Variants in IGF2BP1 observed in about 807,000 individuals in gnomAD.
The protein encoded by IGF2BP1 is insulin-like growth factor 2 mRNA-binding protein 1.
A neutral mutation model predicts 74.9 loss-of-function variants in IGF2BP1; 11 were observed. The ratio of observed to expected loss-of-function variants is 0.15; its 90% CI spans 0.09 to 0.24. IGF2BP1 has a LOEUF of 0.24. IGF2BP1 is among the 10% of genes least tolerant of loss of function. The probability of loss-of-function intolerance (pLI) is 1.00; values close to 1 mark genes in which losing one functional copy is unlikely to be tolerated. For synonymous variants in IGF2BP1, 287 were observed against 281.8 expected (o/e 1.02, Z -0.18); for missense variants, 440 against 757.4 (o/e 0.58, Z 4.92).
At chr17:49,007,292 G>T (rs1006363373) in intron 2 of IGF2BP1, among the ~76,000 whole-genome samples, 1 of 152,148 alleles carries the variant, frequency 6.6e-6, no homozygotes, top group African/African-American at 2.4e-5. Context: ...TACTTCTTCT[G>T]CTTCTGTAGT....
chr17:48,998,809 AG>A, intron 1 of IGF2BP1, among the ~76,000 whole-genome samples: 1 of 152,324 alleles, frequency 6.6e-6, no homozygotes, highest in East Asian at 1.9e-4. Flanking sequence ...CTGTGTAGGC[AG>A]CGCACCCACA....
chr17:49,017,249 C>T (rs1288732266), intron 2 of IGF2BP1, among the ~76,000 whole-genome samples: 2 of 152,082 alleles, frequency 1.3e-5, no homozygotes, highest in Admixed American at 6.5e-5. Context: ...TCCCTCACTC[C>T]CTGGTTAGCT....
intron 4 of IGF2BP1, among the ~76,000 whole-genome samples, chr17:49,031,230 C>T (rs1444625977): frequency 6.6e-6 from 1 of 152,168 alleles, no homozygotes; most frequent in East Asian, 1.9e-4. Flanking sequence ...ACCTCAGCCT[C>T]CTGAGTAGCT....
Position 49,041,463 on chromosome 17 carries a change from G to A in IGF2BP1, c.904G>A (p.Val302Ile). 2 of 1,614,102 alleles carry A rather than the reference G, an allele frequency of 1.2e-6. No individual in the cohort carries two copies. The highest frequency in any genetic ancestry group is 1.7e-6 in the Non-Finnish European group (2 of 1,180,012). ...CAAGGAAGGACGGAACCTGAAGAAG[G>A]TAGAGCAAGATACCGAGACAAAAAT... is the stretch of plus-strand genomic sequence containing the variant. ...IGKEGRNLKKVEQDTETKITI... is the reference protein window; with the variant it reads ...IGKEGRNLKKIEQDTETKITI... The change falls in exon 8 of 15, where the codon GTA becomes ATA. Residue 302 changes from valine to isoleucine, a missense_variant. Val to Ile is a conservative substitution (Grantham distance 29). Transcript: ENST00000290341.
intron 2 of IGF2BP1, among the ~76,000 whole-genome samples, chr17:49,022,418 G>T (rs1164095904): frequency 4.0e-5 from 6 of 148,346 alleles, no homozygotes; most frequent in Non-Finnish European, 8.9e-5. Flanking sequence ...CCCCCGCCCC[G>T]CCCCTCCCGC....
At chr17:49,044,874 TAA>T in intron 11 of IGF2BP1, 115 bp from the exon 12 acceptor site, 1 of 830,414 alleles carries the variant, frequency 1.2e-6, no homozygotes, top group South Asian at 1.5e-5. Flanking sequence ...CTTCCTCCCC[TAA>T]GTCTTCAGAA....
chr17:49,040,186 A>G, intron 7 of IGF2BP1, 95 bp downstream of exon 7: 1 of 1,343,222 alleles, frequency 7.4e-7, no homozygotes, highest in Non-Finnish European at 1.0e-6. Flanking sequence ...CATATAAGAA[A>G]TACAGTCAGC....
rs1236728494 is a variant in IGF2BP1 at position 49,038,272 on chromosome 17, G to A, written c.506G>A (p.Gly169Glu). Residue 169 changes from glycine to glutamate, a missense_variant, in exon 6 of 15, where the codon GGG becomes GAG. Gly to Glu is a moderately conservative substitution (Grantham distance 98). Around this residue, in one of 5 missense-constraint regions of IGF2BP1, gnomAD observed 184 missense variants for 273.4 expected, o/e 0.67. Transcript: ENST00000290341. ...CAGGGACCTGAGAATGGGCGCCGAG[G>A]GGGCTTTGGCTCTCGGGGTCAGCCC... is the stretch of plus-strand genomic sequence containing the variant. ...IAQGPENGRR[G>E]GFGSRGQPRQ... 5 of 1,600,864 alleles carry A rather than the reference G, an allele frequency of 3.1e-6. No individual in the cohort carries two copies. Among genetic ancestry groups the A allele is most frequent in the Non-Finnish European group, 4.3e-6 (5 of 1,173,388 alleles).
intron 2 of IGF2BP1, among the ~76,000 whole-genome samples, chr17:49,009,952 C>T (rs555757560): frequency 2.0e-5 from 3 of 150,612 alleles, no homozygotes; most frequent in South Asian, 2.1e-4. Flanking sequence ...TGGTGGCGTG[C>T]GCCTGTAATC....
chr17:49,034,419 T>G (rs2041961027), intron 5 of IGF2BP1, among the ~76,000 whole-genome samples: 1 of 141,360 alleles, frequency 7.1e-6, no homozygotes, highest in South Asian at 2.3e-4. Context: ...ACACTTGGCC[T>G]TTTTTTTTTT....
intron 2 of IGF2BP1, among the ~76,000 whole-genome samples, chr17:49,011,164 A>AC (rs2041615273): frequency 2.3e-5 from 3 of 132,322 alleles, no homozygotes; most frequent in Admixed American, 1.5e-4. Context: ...AAAAAAAAAA[A>AC]AAACAAACCC....
chr17:49,017,352 A>G (rs916043273), intron 2 of IGF2BP1, among the ~76,000 whole-genome samples: 6 of 152,104 alleles, frequency 3.9e-5, no homozygotes, highest in African/African-American at 4.8e-5. Flanking sequence ...GACCATGCCT[A>G]TGTGCTGGGT....
chr17:49,017,577 A>G (rs2144006482), intron 2 of IGF2BP1, among the ~76,000 whole-genome samples: 1 of 152,318 alleles, frequency 6.6e-6, no homozygotes, highest in East Asian at 1.9e-4. Flanking sequence ...GAAATCTAGT[A>G]TTCTAAACTA....
At chr17:49,000,533 T>A (rs1275092899) in intron 2 of IGF2BP1, among the ~76,000 whole-genome samples, 1 of 152,174 alleles carries the variant, frequency 6.6e-6, no homozygotes, top group Non-Finnish European at 1.5e-5. Context: ...AGAAAAGAAG[T>A]CTTATTTGTT....
chr17:48,998,091 C>G (rs551343545), intron 1 of IGF2BP1, among the ~76,000 whole-genome samples, 171 bp downstream of exon 1: 1 of 152,226 alleles, frequency 6.6e-6, no homozygotes, highest in East Asian at 1.9e-4. Context: ...CGCTCTGCGC[C>G]TCCCACCCCC....
At chr17:48,998,876 C>T (rs1055428880) in intron 1 of IGF2BP1, among the ~76,000 whole-genome samples, 13 of 152,104 alleles carry the variant, frequency 8.5e-5, no homozygotes, top group African/African-American at 2.9e-4. Flanking sequence ...ACTCAACAAG[C>T]CTCAGTGATT....
chr17:49,024,337 G>T (rs773924269), intron 2 of IGF2BP1, among the ~76,000 whole-genome samples: 3 of 151,968 alleles, frequency 2.0e-5, no homozygotes, highest in African/African-American at 2.4e-5. Flanking sequence ...TCACTCGATC[G>T]CAGCAGGTCT....
chr17:49,040,934 T>C (rs1028919353), intron 7 of IGF2BP1, among the ~76,000 whole-genome samples: 3 of 152,248 alleles, frequency 2.0e-5, no homozygotes, highest in African/African-American at 4.8e-5. Flanking sequence ...CTGGGCACGG[T>C]GGCTCATGCC....
At chr17:49,041,053 C>T (rs984745490) in intron 7 of IGF2BP1, among the ~76,000 whole-genome samples, 13 of 152,006 alleles carry the variant, frequency 8.6e-5, no homozygotes, top group Admixed American at 7.2e-4. Context: ...GCGGCCTGTG[C>T]GTATAGTCCC....
Sources: allele counts gnomAD v4.1 joint callset (sites outside exome capture counted in the v4.1 genomes callset), GRCh38; gene constraint gnomAD v4.1.1; regional missense constraint gnomAD v4.1.1; transcripts MANE v1.5; gene names NCBI Gene and HGNC (gene_info 2026-07-23, HGNC 2026-07-21).